The following KSR2 variants were observed in gnomAD, a reference collection of about 807,000 sequenced individuals.
The protein encoded by KSR2 is kinase suppressor of ras 2.
KSR2 carries 25 observed loss-of-function variants against 107.8 expected under a neutral mutation model. The ratio of observed to expected loss-of-function variants is 0.23; its 90% CI spans 0.17 to 0.32. The LOEUF is 0.32. Ranked by LOEUF, KSR2 falls within the 10% of genes least tolerant of loss-of-function variation. The pLI is 1.00. For missense variants in KSR2, 887 were observed against 1,268.9 expected (o/e 0.70, Z 4.57); for synonymous variants, 480 against 507.0 (o/e 0.95, Z 0.71).
chr12:117,754,987 T>G (rs1346010472), intron 4 of KSR2, among the ~76,000 whole-genome samples: 4 of 152,168 alleles, frequency 2.6e-5, no homozygotes, highest in Admixed American at 6.5e-5. Context: ...TGAACACTAG[T>G]TAGCCACAGA....
intron 1 of KSR2, among the ~76,000 whole-genome samples, chr12:117,909,638 C>A (rs566813958): frequency 6.6e-6 from 1 of 152,162 alleles, no homozygotes; most frequent in South Asian, 2.1e-4. Context: ...TGTGGTGGCT[C>A]ACACCTGTAA....
chr12:117,482,168 A>G (rs1319576745), intron 16 of KSR2, among the ~76,000 whole-genome samples: 2 of 151,930 alleles, frequency 1.3e-5, no homozygotes, highest in Non-Finnish European at 2.9e-5. Context: ...GTAGTCAAGC[A>G]GAGAGGCTGC....
intron 3 of KSR2, 111 bp downstream of exon 3, chr12:117,855,317 G>A: frequency 6.9e-7 from 1 of 1,439,418 alleles, no homozygotes; most frequent in South Asian, 1.3e-5. Flanking sequence ...TTGCCCCCCA[G>A]GGTTGACTCT....
rs1001076919 is a variant in KSR2, at chr12:117,700,290, T to C, written c.987-32632A>G. 2.6e-5 allele frequency among the ~76,000 whole-genome samples: 4 copies of C among 152,286 alleles called. No individual in the cohort carries two copies. In the East Asian group the frequency reaches 5.8e-4, roughly 22 times the overall value. On this transcript the variant is annotated intron_variant, in intron 4 of 19. Coordinates refer to ENST00000339824, the MANE Select transcript of KSR2 (RefSeq NM_173598.6). ...TGGGACTTACCCAAGGCTATACAGC[T>C]ACAGGGTGGTGGAGGCAGGATCTGA...
chr12:117,653,164 A>G (rs1364201837), intron 5 of KSR2, among the ~76,000 whole-genome samples: 1 of 152,268 alleles, frequency 6.6e-6, no homozygotes, highest in Non-Finnish European at 1.5e-5. Context: ...TGCAGAAGAC[A>G]GATGGATCTT....
At chr12:117,964,315 G>T (rs1338185769) in intron 1 of KSR2, among the ~76,000 whole-genome samples, 4 of 152,132 alleles carry the variant, frequency 2.6e-5, no homozygotes, top group Non-Finnish European at 5.9e-5. Context: ...CATATTAAAG[G>T]CTCTGAGAAA....
intron 4 of KSR2, among the ~76,000 whole-genome samples, chr12:117,730,848 C>T (rs888973422): frequency 2.0e-5 from 3 of 152,306 alleles, no homozygotes; most frequent in South Asian, 4.1e-4. Context: ...GGCCTGATCT[C>T]GGCTCGCTAC....
chr12:117,572,887 G>A (rs1878989020), intron 7 of KSR2, among the ~76,000 whole-genome samples: 1 of 152,132 alleles, frequency 6.6e-6, no homozygotes, highest in African/African-American at 2.4e-5. Flanking sequence ...CTGAGAAGGG[G>A]GAAGAATGCA....
chr12:117,694,888 T>C (rs1885988177), intron 4 of KSR2, among the ~76,000 whole-genome samples: 1 of 149,126 alleles, frequency 6.7e-6, no homozygotes, highest in African/African-American at 2.5e-5. Flanking sequence ...CTCACTCTGT[T>C]GCCTCAAGCT....
rs573920323 is a variant in KSR2, at chr12:117,967,659, G to A, written c.180+417C>T. 3.3e-5 allele frequency among the ~76,000 whole-genome samples: 5 copies of A among 152,142 alleles called. No individual in the cohort carries two copies. In the South Asian group the frequency reaches 1.0e-3, roughly 32 times the overall value. ...TTTGACCACCTGCAGAATGCGCAAG[G>A]TCACGTGGGTTCTCTGCAGCTCCTT... On this transcript the variant is annotated intron_variant, in intron 1 of 19. Coordinates refer to ENST00000339824, the MANE Select transcript of KSR2 (RefSeq NM_173598.6).
At chr12:117,936,430 G>A (rs1341688090) in intron 1 of KSR2, among the ~76,000 whole-genome samples, 1 of 152,104 alleles carries the variant, frequency 6.6e-6, no homozygotes, top group Non-Finnish European at 1.5e-5. Context: ...GTGCTCATGT[G>A]ATCCTCCCAC....
chr12:117,850,260 C>T (rs1033909741), intron 3 of KSR2, among the ~76,000 whole-genome samples: 2 of 151,974 alleles, frequency 1.3e-5, no homozygotes, highest in African/African-American at 4.8e-5. Context: ...TCTGCTGTTC[C>T]GGTAGCCAAG....
chr12:117,501,445 T>G (rs993403353), intron 14 of KSR2, among the ~76,000 whole-genome samples: 3 of 152,202 alleles, frequency 2.0e-5, no homozygotes, highest in African/African-American at 7.2e-5. Context: ...TGGGGTGCGG[T>G]TAAGGTCACG....
intron 7 of KSR2, among the ~76,000 whole-genome samples, chr12:117,574,631 C>T (rs1181154955): frequency 6.6e-6 from 1 of 152,134 alleles, no homozygotes; most frequent in Non-Finnish European, 1.5e-5. Context: ...GGGTCCCTCC[C>T]ACAACACGTG....
At chr12:117,963,090 C>T (rs1358512341) in intron 1 of KSR2, among the ~76,000 whole-genome samples, 1 of 151,478 alleles carries the variant, frequency 6.6e-6, no homozygotes, top group African/African-American at 2.4e-5. Context: ...CTCAGGAGGC[C>T]GAGACAGGAG....
intron 12 of KSR2, among the ~76,000 whole-genome samples, chr12:117,527,326 GACACAC>G (rs752222461): frequency 2.5e-4 from 18 of 71,542 alleles, no homozygotes; most frequent in Admixed American, 1.9e-3. Flanking sequence ...CACACACACA[GACACAC>G]ACACACACAC....
At chr12:117,673,808 T>C (rs1333147219) in intron 4 of KSR2, among the ~76,000 whole-genome samples, 1 of 152,250 alleles carries the variant, frequency 6.6e-6, no homozygotes, top group African/African-American at 2.4e-5. Context: ...GTGATCTTTG[T>C]AGGATATTAG....
intron 7 of KSR2, among the ~76,000 whole-genome samples, chr12:117,570,298 C>T (rs114887559): frequency 5.3e-5 from 8 of 151,988 alleles, no homozygotes; most frequent in East Asian, 3.9e-4. Context: ...CATCTGCAGA[C>T]GTTTTTGATG....
intron 1 of KSR2, among the ~76,000 whole-genome samples, chr12:117,870,225 C>T (rs757137001): frequency 6.6e-6 from 1 of 152,216 alleles, no homozygotes; most frequent in Non-Finnish European, 1.5e-5. Flanking sequence ...GGGCAAGTCA[C>T]TTCAGCTCTC....
Sources: gnomAD v4.1 joint callset for allele counts (sites outside exome capture counted in the v4.1 genomes callset) on GRCh38, gnomAD v4.1.1 for gene constraint, MANE v1.5 for transcripts, NCBI Gene and HGNC (gene_info 2026-07-23, HGNC 2026-07-21) for gene names.